RSPO3: variants seen among roughly 807,000 people sequenced by gnomAD.
The protein encoded by RSPO3 is R-spondin 3.
Under a neutral mutation model 36.5 loss-of-function variants are expected in RSPO3, and 17 were observed. That is an observed-to-expected ratio of 0.47 (90% CI 0.32 to 0.70). The LOEUF is 0.70. Among genes scored for constraint, RSPO3 ranks in the 30% least tolerant of loss-of-function variants. RSPO3 has a pLI of 0.04. For synonymous variants in RSPO3, 108 were observed against 107.0 expected (o/e 1.01, Z -0.06); for missense variants, 294 against 322.5 (o/e 0.91, Z 0.68).
chr6:127,135,639 C>T lies in RSPO3; in HGVS notation c.98-13009C>T, dbSNP rs148388713. Among the ~76,000 whole-genome samples the T allele has an allele frequency of 3.3e-3, 498 of 151,788 alleles. 3 individuals carry two copies. The highest frequency in any genetic ancestry group is 0.011 in the African/African-American group (474 of 41,404). On this transcript the variant is annotated intron_variant, in intron 1 of 4. Transcript: ENST00000356698. The stretch of plus-strand genomic sequence containing the variant: ...CGCCATTTGCTGCAACAGAAAAGCA[C>T]ATGTCGATTAGATGTAGTGGCTCTC...
intron 4 of RSPO3, among the ~76,000 whole-genome samples, chr6:127,184,484 G>A (rs1477752878): frequency 6.6e-6 from 1 of 152,004 alleles, no homozygotes; most frequent in Non-Finnish European, 1.5e-5. Flanking sequence ...AGGAAGAGGA[G>A]TGAAATCTAC....
At position 127,198,639 on chromosome 6, in the gene RSPO3, T is replaced by G. The variant is rs1775561363; in HGVS notation, c.*2632T>G. The stretch of plus-strand genomic sequence containing the variant: ...TCAAGCTCCTGCCCTGTTCTCCGAA[T>G]TCAGCTTCATAATTAAGGGAAGGCC... On this transcript the variant is annotated 3_prime_UTR_variant, in exon 5 of 5. Coordinates refer to ENST00000356698, the MANE Select transcript of RSPO3 (RefSeq NM_032784.5). 6.6e-6 allele frequency among the ~76,000 whole-genome samples: 1 copy of G among 152,208 alleles called. No homozygotes were observed. Among genetic ancestry groups the G allele is most frequent in the Admixed American group, 6.5e-5 (1 of 15,284 alleles).
At chr6:127,161,933 G>A (rs1286231275) in intron 4 of RSPO3, among the ~76,000 whole-genome samples, 2 of 152,192 alleles carry the variant, frequency 1.3e-5, no homozygotes, top group South Asian at 4.2e-4. Context: ...AAACATAAAG[G>A]CTTAAAACAA....
intron 4 of RSPO3, among the ~76,000 whole-genome samples, chr6:127,186,377 C>A (rs898691590): frequency 3.3e-5 from 5 of 152,050 alleles, no homozygotes; most frequent in Non-Finnish European, 4.4e-5. Flanking sequence ...TCACTATGCT[C>A]AGTCATGAGA....
At chr6:127,172,602 G>A (rs1306345871) in intron 4 of RSPO3, among the ~76,000 whole-genome samples, 3 of 151,722 alleles carry the variant, frequency 2.0e-5, no homozygotes, top group Admixed American at 6.6e-5. Flanking sequence ...ACATGTATTC[G>A]CTTGGGCTAT....
intron 3 of RSPO3, among the ~76,000 whole-genome samples, chr6:127,154,338 T>A (rs1774550815): frequency 5.9e-5 from 9 of 152,172 alleles, no homozygotes; most frequent in Non-Finnish European, 1.2e-4. Context: ...CCTTGAGATG[T>A]TTCTTTTCTT....
Position 127,150,166 on chromosome 6 carries a change from GAT to G in RSPO3, c.290-240_290-239del, listed in dbSNP as rs768162516. Among the ~76,000 whole-genome samples the G allele has an allele frequency of 2.4e-3, 331 of 139,262 alleles. 2 individuals carry two copies. The East Asian group carries it at 0.034, about 14-fold the overall frequency. 91.4% of individuals were successfully genotyped at this position (139,262 alleles called of 152,430 possible). ...ACTTCATCTTATAAATATTCTTGGA[GAT>G]ATATATATATATATATATACACACA... is the stretch of plus-strand genomic sequence containing the variant. On this transcript the variant is annotated intron_variant, in intron 2 of 4. Transcript: ENST00000356698.
At chr6:127,119,674 C>T (rs1773798130) in intron 1 of RSPO3, among the ~76,000 whole-genome samples, 1 of 152,244 alleles carries the variant, frequency 6.6e-6, no homozygotes, top group Non-Finnish European at 1.5e-5. Context: ...ATGCCTCTGA[C>T]CGCTGAGTAA....
At chr6:127,123,654 CT>C (rs989505388) in intron 1 of RSPO3, among the ~76,000 whole-genome samples, 6 of 151,998 alleles carry the variant, frequency 3.9e-5, no homozygotes, top group African/African-American at 1.4e-4. Flanking sequence ...AAAATACCTT[CT>C]TTTTAGCCCC....
At chr6:127,133,106 GT>G (rs1774089586) in intron 1 of RSPO3, among the ~76,000 whole-genome samples, 1 of 151,640 alleles carries the variant, frequency 6.6e-6, no homozygotes, top group African/African-American at 2.4e-5. Flanking sequence ...AGATTTCTTT[GT>G]GAAAAACCAT....
intron 1 of RSPO3, among the ~76,000 whole-genome samples, chr6:127,129,950 C>G (rs957125775): frequency 3.3e-5 from 5 of 152,046 alleles, no homozygotes; most frequent in Non-Finnish European, 7.4e-5. Context: ...ATTGAAGTAA[C>G]ATTTGGCAAC....
At chr6:127,162,414 A>C (rs1377996418) in intron 4 of RSPO3, among the ~76,000 whole-genome samples, 1 of 152,154 alleles carries the variant, frequency 6.6e-6, no homozygotes, top group African/African-American at 2.4e-5. Flanking sequence ...GAAATACAGT[A>C]AGAGATTTGT....
intron 1 of RSPO3, among the ~76,000 whole-genome samples, chr6:127,146,705 A>G (rs1293995610): frequency 6.6e-6 from 1 of 152,052 alleles, no homozygotes; most frequent in Admixed American, 6.6e-5. Context: ...TCTTTCTTAA[A>G]CCCAGAGTCT....
Position 127,197,976 on chromosome 6 carries a change from A to G in RSPO3, c.*1969A>G, listed in dbSNP as rs1775549884. Among the ~76,000 whole-genome samples, 2 of 152,242 alleles carry G rather than the reference A, an allele frequency of 1.3e-5. No individual in the cohort carries two copies. Among genetic ancestry groups the G allele is most frequent in the Admixed American group, 1.3e-4 (2 of 15,290 alleles). ...GACCTTTCGGATGATTTCATATACCATCTTTCTTCTGAGTGTTACCCAGTC... is the reference window on the plus strand; with the variant it reads ...GACCTTTCGGATGATTTCATATACCGTCTTTCTTCTGAGTGTTACCCAGTC... On this transcript the variant is annotated 3_prime_UTR_variant, in exon 5 of 5. Coordinates refer to ENST00000356698, the MANE Select transcript of RSPO3 (RefSeq NM_032784.5).
chr6:127,155,800 C>T (rs756264448), intron 4 of RSPO3, among the ~76,000 whole-genome samples: 21 of 151,922 alleles, frequency 1.4e-4, no homozygotes, highest in Admixed American at 2.0e-4. Context: ...AAAGAAACAC[C>T]GCCATCAAAC....
At chr6:127,179,675 G>C (rs1041253609) in intron 4 of RSPO3, among the ~76,000 whole-genome samples, 2 of 151,818 alleles carry the variant, frequency 1.3e-5, no homozygotes, top group African/African-American at 4.8e-5. Context: ...AATTCTGTAG[G>C]TGAGAAGGTT....
At chr6:127,179,751 G>T (rs999263664) in intron 4 of RSPO3, among the ~76,000 whole-genome samples, 2 of 151,790 alleles carry the variant, frequency 1.3e-5, no homozygotes, top group African/African-American at 4.8e-5. Flanking sequence ...GGCAACTCTA[G>T]GGTAGAATCC....
chr6:127,197,967 TC>T lies in RSPO3; in HGVS notation c.*1961del, dbSNP rs1200696700. The stretch of plus-strand genomic sequence containing the variant: ...CAGGTTTGAGACCTTTCGGATGATT[TC>T]ATATACCATCTTTCTTCTGAGTGTT... On this transcript the variant is annotated 3_prime_UTR_variant, in exon 5 of 5. Transcript: ENST00000356698. 6.6e-6 allele frequency among the ~76,000 whole-genome samples: 1 copy of T among 152,246 alleles called. No individual in the cohort carries two copies. The highest frequency in any genetic ancestry group is 1.5e-5 in the Non-Finnish European group (1 of 68,038).
At chr6:127,181,820 T>G (rs942828720) in intron 4 of RSPO3, among the ~76,000 whole-genome samples, 2 of 151,948 alleles carry the variant, frequency 1.3e-5, no homozygotes, top group Non-Finnish European at 2.9e-5. Context: ...GAATGGCTTA[T>G]ATACAGTCAT....
Sources: gnomAD v4.1 joint callset for allele counts (sites outside exome capture counted in the v4.1 genomes callset) on GRCh38, gnomAD v4.1.1 for gene constraint, MANE v1.5 for transcripts, NCBI Gene and HGNC (gene_info 2026-07-23, HGNC 2026-07-21) for gene names.